MOB1A: variants seen among roughly 807,000 people sequenced by gnomAD.
The protein encoded by MOB1A is MOB kinase activator 1A.
In MOB1A, 10 loss-of-function variants were observed where a neutral mutation model predicts 25.1. The observed-to-expected ratio is 0.40, with a 90% CI of 0.25 to 0.68. MOB1A has a LOEUF of 0.68. Among genes scored for constraint, MOB1A ranks in the 30% least tolerant of loss-of-function variants. The pLI, the probability that MOB1A is intolerant of heterozygous loss-of-function variation, is 0.40. For missense variants in MOB1A, 177 were observed against 256.3 expected (o/e 0.69, Z 2.11); for synonymous variants, 81 against 79.5 (o/e 1.02, Z -0.10).
At position 74,159,196 on chromosome 2, in the gene MOB1A, G is replaced by A; in HGVS notation, c.468C>T (p.Phe156=). Residue 156 remains phenylalanine, a synonymous_variant, in exon 5 of 6, where the codon TTC becomes TTT. Coordinates refer to ENST00000396049, the MANE Select transcript of MOB1A (RefSeq NM_018221.5). ...SVAKTILKRL[F]RVYAHIYHQH... ...GGTGATAAATATGGGCATAAACCCT[G>A]AACAGACGCTTTAGAATAGTCTTTG... is the stretch of plus-strand genomic sequence containing the variant. 1.9e-6 allele frequency: 3 copies of A among 1,613,984 alleles called. No individual in the cohort carries two copies. Among genetic ancestry groups the A allele is most frequent in the Non-Finnish European group, 2.5e-6 (3 of 1,179,858 alleles).
chr2:74,164,524 T>TAAA (rs1010123636), intron 4 of MOB1A: 3 of 139,620 alleles, frequency 2.1e-5, no homozygotes, highest in African/African-American at 9.1e-5. Context: ...TCTCAAAAAA[T>TAAA]AAAAAAATAA....
chr2:74,177,750 G>A (rs1056487249), intron 1 of MOB1A, among the ~76,000 whole-genome samples: 1 of 152,056 alleles, frequency 6.6e-6, no homozygotes, highest in Non-Finnish European at 1.5e-5. Context: ...ACTAAAATTG[G>A]ATAATTATTC....
rs1447778945 is a variant in MOB1A at position 74,156,155 on chromosome 2, G to C, written c.*413C>G. 1 of 155,028 alleles carries C rather than the reference G, an allele frequency of 6.5e-6. No homozygotes were observed. The highest frequency in any genetic ancestry group is 2.4e-5 in the African/African-American group (1 of 41,524). 9.6% of individuals were successfully genotyped at this position (155,028 alleles called of 1,614,324 possible). A position where few individuals can be genotyped will look rare whatever the true frequency, so the allele number is the denominator to read the frequency against. On this transcript the variant is annotated 3_prime_UTR_variant, in exon 6 of 6. Coordinates refer to ENST00000396049, the MANE Select transcript of MOB1A (RefSeq NM_018221.5). ...ATCTGATTGTGTTATTAGGAAATTT[G>C]TTCTGGAAACTTATTCATAAATTAT...
intron 5 of MOB1A, among the ~76,000 whole-genome samples, chr2:74,158,210 A>G (rs1416397470): frequency 6.6e-6 from 1 of 151,578 alleles, no homozygotes; most frequent in Non-Finnish European, 1.5e-5. Context: ...GGGAAAAAAA[A>G]AAAAGAAACT....
intron 1 of MOB1A, 67 bp from the exon 2 acceptor site, chr2:74,172,819 A>C: frequency 6.8e-7 from 1 of 1,477,590 alleles, no homozygotes; most frequent in Non-Finnish European, 9.3e-7. Context: ...GAACAACATA[A>C]TTTTAGGTAT....
At chr2:74,171,104 A>C (rs956250837) in intron 2 of MOB1A, among the ~76,000 whole-genome samples, 1 of 151,824 alleles carries the variant, frequency 6.6e-6, no homozygotes, top group African/African-American at 2.4e-5. Flanking sequence ...ACATGGCAAA[A>C]CCTCCTCTCT....
At chr2:74,159,012 A>T in intron 5 of MOB1A, 79 bp downstream of exon 5, 5 of 1,412,674 alleles carry the variant, frequency 3.5e-6, no homozygotes, top group Non-Finnish European at 4.9e-6. Flanking sequence ...TATAACTAAG[A>T]CACACAGCTC....
At position 74,176,811 on chromosome 2, in the gene MOB1A, A is replaced by C. The variant is rs189425491; in HGVS notation, c.14+1850T>G. ...AACAAGTGCTATGAGAGGTGTGGGG[A>C]AATTGGACCCCTCATAGAGTACTTA... is the stretch of plus-strand genomic sequence containing the variant. On this transcript the variant is annotated intron_variant, in intron 1 of 5. Coordinates refer to ENST00000396049, the MANE Select transcript of MOB1A (RefSeq NM_018221.5). 2.2e-3 allele frequency among the ~76,000 whole-genome samples: 335 copies of C among 151,750 alleles called. 3 individuals are homozygous for C. The highest frequency in any genetic ancestry group is 4.6e-3 in the Admixed American group (70 of 15,172).
chr2:74,175,613 T>G (rs1323391068), intron 1 of MOB1A, among the ~76,000 whole-genome samples: 1 of 152,182 alleles, frequency 6.6e-6, no homozygotes, highest in African/African-American at 2.4e-5. Flanking sequence ...TGGATAAGAA[T>G]TTTTTTCCAA....
At chr2:74,175,248 T>C (rs1459278939) in intron 1 of MOB1A, among the ~76,000 whole-genome samples, 1 of 152,224 alleles carries the variant, frequency 6.6e-6, no homozygotes, top group African/African-American at 2.4e-5. Context: ...CAGATGGGAT[T>C]GTCTAGTTGC....
At chr2:74,175,021 T>A (rs1439830074) in intron 1 of MOB1A, among the ~76,000 whole-genome samples, 1 of 152,192 alleles carries the variant, frequency 6.6e-6, no homozygotes, top group Non-Finnish European at 1.5e-5. Flanking sequence ...CAGAAGGAGA[T>A]GAGCAGTGAG....
chr2:74,165,155 C>G (rs1016231989), intron 4 of MOB1A, 63 bp downstream of exon 4: 1 of 1,305,914 alleles, frequency 7.7e-7, no homozygotes, highest in East Asian at 2.7e-5. Flanking sequence ...CCCCCCAACT[C>G]TATTTATATT....
chr2:74,164,575 A>AG (rs1693073570), intron 4 of MOB1A: 1 of 152,178 alleles, frequency 6.6e-6, no homozygotes, highest in African/African-American at 2.4e-5. Flanking sequence ...ATCTTGAAGC[A>AG]GGGAAAAGCT....
chr2:74,165,117 T>G, intron 4 of MOB1A, 101 bp downstream of exon 4: 6 of 936,092 alleles, frequency 6.4e-6, no homozygotes, highest in Non-Finnish European at 8.8e-6. Flanking sequence ...GCCAGGAGTT[T>G]GAGACCAACC....
intron 5 of MOB1A, among the ~76,000 whole-genome samples, chr2:74,157,055 T>C (rs1692825937): frequency 1.3e-5 from 2 of 151,164 alleles, no homozygotes. Context: ...TAAGAGTATC[T>C]TGTATGCTAA....
At position 74,157,727 on chromosome 2, in the gene MOB1A, G is replaced by A. The variant is rs80326031; in HGVS notation, c.574-1082C>T. 4.8e-3 allele frequency among the ~76,000 whole-genome samples: 731 copies of A among 152,232 alleles called. 6 individuals carry two copies. Among genetic ancestry groups the A allele is most frequent in the African/African-American group, 0.017 (703 of 41,528 alleles). On this transcript the variant is annotated intron_variant, in intron 5 of 5. Transcript: ENST00000396049. ...AGTCCCCATGTTTGGTCACAGAAGCGTTCTGTGTGGTGAGAGTATAGTAGG... is the reference window on the plus strand; with the variant it reads ...AGTCCCCATGTTTGGTCACAGAAGCATTCTGTGTGGTGAGAGTATAGTAGG...
chr2:74,172,463 T>C (rs1693319857), intron 2 of MOB1A, 123 bp downstream of exon 2: 1 of 936,048 alleles, frequency 1.1e-6, no homozygotes. Flanking sequence ...TATTTGTACT[T>C]AATGTTTCTT....
At chr2:74,177,307 C>A (rs1027378541) in intron 1 of MOB1A, among the ~76,000 whole-genome samples, 1 of 152,016 alleles carries the variant, frequency 6.6e-6, no homozygotes, top group South Asian at 2.1e-4. Flanking sequence ...GAGCCGAGAC[C>A]GTGCCATTGC....
intron 1 of MOB1A, 58 bp downstream of exon 1, chr2:74,178,603 A>G (rs903099549): frequency 1.6e-6 from 2 of 1,285,936 alleles, no homozygotes; most frequent in African/African-American, 1.6e-5. Context: ...AGGTCCGGGG[A>G]GGCCTCCCCC....
Sources: gnomAD v4.1 joint callset for allele counts (sites outside exome capture counted in the v4.1 genomes callset) on GRCh38, gnomAD v4.1.1 for gene constraint, MANE v1.5 for transcripts, NCBI Gene and HGNC (gene_info 2026-07-23, HGNC 2026-07-21) for gene names.